Variants in GMPR observed in about 807,000 individuals in gnomAD.
GMPR encodes guanosine monophosphate reductase, also known as GMP reductase 1.
Under a neutral mutation model 38.4 loss-of-function variants are expected in GMPR, and 31 were observed. The observed-to-expected ratio is 0.81, with a 90% confidence interval of 0.61 to 1.09. GMPR has a LOEUF of 1.09. Among genes scored for constraint, GMPR ranks in the 50% least tolerant of loss-of-function variants. The pLI, the probability that GMPR is intolerant of heterozygous loss-of-function variation, is 0.00. For synonymous variants in GMPR, 162 were observed against 173.3 expected, an observed-to-expected ratio of 0.93 and a Z score of 0.51; for missense variants, 468 against 453.7, an observed-to-expected ratio of 1.03 and a Z score of -0.29.
rs374928250 is a variant in GMPR, at chr6:16,274,526, C to T, written c.547+30C>T. ...GACTTGTTAGGAGCACAGCAGAGGA[C>T]GTGTGTGGGGAAGAATGGGATCTGG... On this transcript the variant is annotated intron_variant, in intron 5 of 8. Coordinates refer to ENST00000259727, the MANE Select transcript of GMPR (RefSeq NM_006877.4). 4.8e-5 allele frequency: 61 copies of T among 1,281,430 alleles called. 1 individual carries two copies. Among genetic ancestry groups the T allele is most frequent in the South Asian group, 4.5e-4 (38 of 84,456 alleles). 79.4% of individuals were successfully genotyped at this position (1,281,430 alleles called of 1,614,324 possible). A position where few individuals can be genotyped will look rare whatever the true frequency, so the allele number is the denominator to read the frequency against.
intron 4 of GMPR, chr6:16,259,232 G>A (rs1759035516): frequency 6.6e-6 from 1 of 151,972 alleles, no homozygotes; most frequent in South Asian, 2.1e-4. Context: ...AAGGTGCTCA[G>A]TAGGGGAGCT....
At chr6:16,285,224 A>C (rs1474751221) in intron 6 of GMPR, among the ~76,000 whole-genome samples, 1 of 152,140 alleles carries the variant, frequency 6.6e-6, no homozygotes. Flanking sequence ...TGGGTGGAAA[A>C]ACAGATGTTT....
intron 6 of GMPR, among the ~76,000 whole-genome samples, chr6:16,279,422 C>T (rs2113697527): frequency 6.6e-6 from 1 of 152,312 alleles, no homozygotes; most frequent in Non-Finnish European, 1.5e-5. Context: ...GATCAGGGGC[C>T]ACCCTCCTCC....
In GMPR at chr6:16,289,094, A is replaced by G. The variant is rs1019337426; in HGVS notation, c.698-1368A>G. On this transcript the variant is annotated intron_variant, in intron 7 of 8. Transcript: ENST00000259727. ...GTGATTTGTTGTTTCGCTCTTTGCA[A>G]TAGATTCTGTTGCTGCTCGGTCTTT... Among the ~76,000 whole-genome samples the G allele has an allele frequency of 4.3e-4, 66 of 152,318 alleles. 1 individual carries two copies. Among genetic ancestry groups the G allele is most frequent in the African/African-American group, 1.2e-3 (49 of 41,562 alleles).
chr6:16,240,324 C>A (rs1165993117), intron 1 of GMPR, among the ~76,000 whole-genome samples: 1 of 152,132 alleles, frequency 6.6e-6, no homozygotes, highest in Non-Finnish European at 1.5e-5. Context: ...TGCTTGAGGC[C>A]AGGAGTTCGA....
At chr6:16,257,147 T>G (rs975363381) in intron 4 of GMPR, among the ~76,000 whole-genome samples, 5 of 152,110 alleles carry the variant, frequency 3.3e-5, no homozygotes, top group African/African-American at 4.8e-5. Flanking sequence ...GAGTTAATAA[T>G]CCATTATGCC....
At chr6:16,242,942 A>G (rs1758678731) in intron 1 of GMPR, among the ~76,000 whole-genome samples, 1 of 152,168 alleles carries the variant, frequency 6.6e-6, no homozygotes, top group Non-Finnish European at 1.5e-5. Flanking sequence ...TTTTTATAAG[A>G]ACATCAGTCA....
At chr6:16,247,337 A>G (rs1208762627) in intron 2 of GMPR, among the ~76,000 whole-genome samples, 2 of 151,884 alleles carry the variant, frequency 1.3e-5, no homozygotes, top group Non-Finnish European at 2.9e-5. Context: ...GAATACATGT[A>G]TCGAGCGCTT....
chr6:16,254,838 G>A, intron 4 of GMPR, 103 bp downstream of exon 4: 1 of 764,390 alleles, frequency 1.3e-6, no homozygotes, highest in Non-Finnish European at 2.2e-6. Context: ...AGAGCTTTTG[G>A]TGCCTCTTTA....
chr6:16,280,363 A>G (rs996001766), intron 6 of GMPR, among the ~76,000 whole-genome samples: 1 of 152,074 alleles, frequency 6.6e-6, no homozygotes, highest in African/African-American at 2.4e-5. Flanking sequence ...GCCTCATCCA[A>G]ATTTTTCACC....
chr6:16,245,158 C>T (rs1581645073), intron 1 of GMPR, among the ~76,000 whole-genome samples: 1 of 152,150 alleles, frequency 6.6e-6, no homozygotes, highest in Non-Finnish European at 1.5e-5. Context: ...TCACTATAAA[C>T]GTGCTCCACT....
chr6:16,247,098 T>C, intron 2 of GMPR, 137 bp downstream of exon 2: 1 of 770,780 alleles, frequency 1.3e-6, no homozygotes, highest in Non-Finnish European at 2.0e-6. Flanking sequence ...GTCTTTCCCT[T>C]CAATCAGAAA....
chr6:16,253,530 G>A (rs1210248873), intron 3 of GMPR, among the ~76,000 whole-genome samples: 2 of 152,108 alleles, frequency 1.3e-5, no homozygotes, highest in African/African-American at 4.8e-5. Flanking sequence ...AACTCAGACC[G>A]AGAGATCACC....
In GMPR at chr6:16,265,125, A is replaced by C. The variant is rs1429770101; in HGVS notation, c.466-9290A>C. Among the ~76,000 whole-genome samples, 5 of 152,206 alleles carry C rather than the reference A, an allele frequency of 3.3e-5. No homozygotes were observed. In the East Asian group the frequency reaches 9.6e-4, roughly 29 times the overall value. The stretch of plus-strand genomic sequence containing the variant: ...ACAGACTAGGCACTTCTTTGTTAAA[A>C]AAAAGTTTGTAGAAACAGAATATTG... On this transcript the variant is annotated intron_variant, in intron 4 of 8. Transcript: ENST00000259727.
chr6:16,266,456 G>A (rs1325584676), intron 4 of GMPR, among the ~76,000 whole-genome samples: 1 of 119,350 alleles, frequency 8.4e-6, no homozygotes, highest in Non-Finnish European at 1.7e-5. Context: ...CCACCTTTAA[G>A]AGCTGTAACA....
chr6:16,250,073 C>CT (rs1458600843), intron 2 of GMPR, among the ~76,000 whole-genome samples: 1 of 152,220 alleles, frequency 6.6e-6, no homozygotes, highest in Non-Finnish European at 1.5e-5. Flanking sequence ...GCGGTATTGT[C>CT]TAACCAGATT....
At chr6:16,285,031 A>C (rs1227338270) in intron 6 of GMPR, among the ~76,000 whole-genome samples, 1 of 101,988 alleles carries the variant, frequency 9.8e-6, no homozygotes, top group South Asian at 3.4e-4. Context: ...AAAAAAAAAA[A>C]ACAAAAAAAA....
chr6:16,256,569 A>C (rs998328785), intron 4 of GMPR, among the ~76,000 whole-genome samples: 1 of 151,776 alleles, frequency 6.6e-6, no homozygotes, highest in Non-Finnish European at 1.5e-5. Context: ...TCCAAGGTCA[A>C]CCAGCTGTAC....
At chr6:16,285,480 G>A (rs1759661571) in intron 6 of GMPR, among the ~76,000 whole-genome samples, 1 of 152,218 alleles carries the variant, frequency 6.6e-6, no homozygotes, top group Admixed American at 6.5e-5. Flanking sequence ...GAGCCCCTCT[G>A]CCGCTCACAG....
Sources: gnomAD v4.1 joint callset for allele counts (sites outside exome capture counted in the v4.1 genomes callset) on GRCh38, gnomAD v4.1.1 for gene constraint, MANE v1.5 for transcripts, NCBI Gene and HGNC (gene_info 2026-07-23, HGNC 2026-07-21) for gene names.